The following SLC9B2 variants were observed in gnomAD, a reference collection of about 807,000 sequenced individuals.
SLC9B2 encodes sodium/hydrogen exchanger 9B2.
A neutral mutation model predicts 52.2 loss-of-function variants in SLC9B2; 39 were observed. The observed-to-expected ratio is 0.75, with a 90% confidence interval of 0.58 to 0.98. SLC9B2 has a LOEUF of 0.98. SLC9B2 is among the 50% of genes least tolerant of loss of function. SLC9B2 has a pLI of 0.00. For missense variants in SLC9B2, 626 were observed against 637.5 expected (o/e 0.98, Z 0.19); for synonymous variants, 214 against 227.0 (o/e 0.94, Z 0.51).
At chr4:103,046,683 T>G (rs1744154957) in intron 7 of SLC9B2, among the ~76,000 whole-genome samples, 1 of 149,988 alleles carries the variant, frequency 6.7e-6, no homozygotes, top group African/African-American at 2.4e-5. Flanking sequence ...ATCTTTTGTG[T>G]GAAGTCTCCA....
At chr4:103,021,739 T>G (rs914292930), downstream of SLC9B2, among the ~76,000 whole-genome samples, 1 of 152,248 alleles carries the variant, frequency 6.6e-6, no homozygotes, top group Non-Finnish European at 1.5e-5. Flanking sequence ...TAGTATGATT[T>G]CAGTGCCAAC....
In SLC9B2 at chr4:103,025,237, G is replaced by C. The variant is rs183839588; in HGVS notation, c.*1133C>G. On this transcript the variant is annotated 3_prime_UTR_variant, in exon 12 of 12. Transcript: ENST00000394785. ...AGAGATAGAATGGAGATATGGTAGA[G>C]ATCCATTTTTAACCCATTTATGCCT... 1.2e-3 allele frequency among the ~76,000 whole-genome samples: 188 copies of C among 152,300 alleles called. No homozygotes were observed. The highest frequency in any genetic ancestry group is 4.3e-3 in the African/African-American group (178 of 41,566).
intron 10 of SLC9B2, among the ~76,000 whole-genome samples, chr4:103,029,591 C>T (rs887582734): frequency 6.6e-6 from 1 of 152,116 alleles, no homozygotes; most frequent in Admixed American, 6.6e-5. Flanking sequence ...ACATACACAG[C>T]TACTCCATTT....
intron 2 of SLC9B2, 139 bp downstream of exon 2, chr4:103,067,322 A>C (rs1050584575): frequency 7.5e-6 from 5 of 667,718 alleles, no homozygotes; most frequent in East Asian, 2.7e-5. Context: ...AGTTACAGGT[A>C]GGGTCAGCTG....
chr4:103,059,630 T>C (rs545039632), intron 3 of SLC9B2, among the ~76,000 whole-genome samples: 7 of 152,328 alleles, frequency 4.6e-5, no homozygotes, highest in African/African-American at 1.7e-4. Flanking sequence ...TAAGAAAGCA[T>C]ATATTTGGTC....
chr4:103,065,410 A>C (rs77210926), intron 3 of SLC9B2: 1 of 152,320 alleles, frequency 6.6e-6, no homozygotes, highest in East Asian at 1.9e-4. Context: ...GTGAGGTAAT[A>C]CATATGTTAA....
intron 4 of SLC9B2, among the ~76,000 whole-genome samples, chr4:103,054,926 G>A (rs1307723754): frequency 6.6e-6 from 1 of 152,116 alleles, no homozygotes; most frequent in Non-Finnish European, 1.5e-5. Context: ...CTGCTATAAA[G>A]ACACATGTAC....
intron 1 of SLC9B2, among the ~76,000 whole-genome samples, chr4:103,072,056 G>GTTTTTTTTCTTT (rs1746689738): frequency 1.0e-5 from 1 of 95,306 alleles, no homozygotes; most frequent in Non-Finnish European, 1.9e-5. Context: ...TGGCTTTCAT[G>GTTTTTTTTCTTT]TTTTTTTTTT....
At chr4:103,033,152 T>C (rs147839447) in intron 9 of SLC9B2, among the ~76,000 whole-genome samples, 2 of 151,906 alleles carry the variant, frequency 1.3e-5, no homozygotes, top group African/African-American at 4.8e-5. Context: ...TTGACTAGAG[T>C]AACATCAAAA....
In SLC9B2 at chr4:103,036,212, T is replaced by C. The variant is rs113630984; in HGVS notation, c.1147-4404A>G. Among the ~76,000 whole-genome samples, 1,402 of 152,332 alleles carry C rather than the reference T, an allele frequency of 9.2e-3. 19 individuals carry two copies. Among genetic ancestry groups the C allele is most frequent in the African/African-American group, 0.032 (1,341 of 41,560 alleles). ...GCAGTCATAAAAAATAATGAAATCA[T>C]GTCCTTTGCAGTGACATCGATGGAG... On this transcript the variant is annotated intron_variant, in intron 9 of 11. Coordinates refer to ENST00000394785, the MANE Select transcript of SLC9B2 (RefSeq NM_178833.7).
At chr4:103,034,953 T>C (rs547908365) in intron 9 of SLC9B2, among the ~76,000 whole-genome samples, 47 of 152,324 alleles carry the variant, frequency 3.1e-4, no homozygotes, top group African/African-American at 1.1e-3. Flanking sequence ...TGAAACATAA[T>C]TGTACATCTT....
downstream of SLC9B2, among the ~76,000 whole-genome samples, chr4:103,022,108 A>C (rs774728299): frequency 2.4e-4 from 36 of 152,244 alleles, no homozygotes; most frequent in Non-Finnish European, 5.9e-5. Context: ...ATTTTCCACT[A>C]GAATCAAGTT....
At chr4:103,021,901 C>T (rs1741818276), downstream of SLC9B2, among the ~76,000 whole-genome samples, 2 of 152,150 alleles carry the variant, frequency 1.3e-5, no homozygotes, top group Admixed American at 6.5e-5. Flanking sequence ...TAATATTACC[C>T]CATCCATCCA....
At chr4:103,054,426 TAAC>T in intron 4 of SLC9B2, among the ~76,000 whole-genome samples, 1 of 152,330 alleles carries the variant, frequency 6.6e-6, no homozygotes, top group South Asian at 2.1e-4. Flanking sequence ...ATTTGTATTT[TAAC>T]AAATTCCAAG....
chr4:103,019,753 C>G (rs920752151), downstream of SLC9B2: 221 of 985,578 alleles, frequency 2.2e-4, 1 homozygote, highest in African/African-American at 3.2e-3. Context: ...GAGGCGGCAG[C>G]GCGTTTAAGT....
chr4:103,026,476 G>T lies in SLC9B2; in HGVS notation c.1508C>A (p.Pro503Gln). 6.2e-7 allele frequency: 1 copy of T among 1,613,796 alleles called. No individual in the cohort carries two copies. The highest frequency in any genetic ancestry group is 8.5e-7 in the Non-Finnish European group (1 of 1,179,882). The change falls in exon 12 of 12, where the codon CCA becomes CAA. Residue 503 changes from proline to glutamine, a missense_variant. Transcript: ENST00000394785. ...VAFLSILITA[P>Q]IGSLLIGLLG... ...TAAACCAATAAGCAGACTTCCAATT[G>T]GGGCTGTGATGAGGATGGACAAAAA...
intron 1 of SLC9B2, among the ~76,000 whole-genome samples, chr4:103,068,470 T>C (rs539411093): frequency 8.5e-5 from 13 of 152,190 alleles, no homozygotes; most frequent in Middle Eastern, 3.2e-3. Context: ...CCCTTTCTCC[T>C]TCCTAGAATG....
In SLC9B2 at chr4:103,076,468, C is replaced by T. The variant is rs1018155165; in HGVS notation, c.-327G>A. 2 of 152,258 alleles carry T rather than the reference C, an allele frequency of 1.3e-5. No individual in the cohort carries two copies. The highest frequency in any genetic ancestry group is 2.4e-5 in the African/African-American group (1 of 41,462). The allele number at this position is 152,258 out of a possible 1,614,324, so 9.4% of individuals were successfully genotyped here. A position where few individuals can be genotyped will look rare whatever the true frequency, so the allele number is the denominator to read the frequency against. ...GCTCCGGAGTAAGCATGGGTTGGTC[C>T]GGGGCCCGCAGCGGCAGCCCCGTGT... On this transcript the variant is annotated 5_prime_UTR_variant, in exon 1 of 12. Transcript: ENST00000394785.
chr4:103,070,288 T>C (rs1008034083), intron 1 of SLC9B2, among the ~76,000 whole-genome samples: 1 of 152,246 alleles, frequency 6.6e-6, no homozygotes, highest in African/African-American at 2.4e-5. Flanking sequence ...ATGGTATTTA[T>C]TATTTATAGT....
Sources: allele counts gnomAD v4.1 joint callset (sites outside exome capture counted in the v4.1 genomes callset), GRCh38; gene constraint gnomAD v4.1.1; transcripts MANE v1.5; gene names NCBI Gene and HGNC (gene_info 2026-07-23, HGNC 2026-07-21).